CACNA1S: variants seen among roughly 807,000 people sequenced by gnomAD.
The protein encoded by CACNA1S is calcium voltage-gated channel subunit alpha1 S, also known as voltage-dependent L-type calcium channel subunit alpha-1S.
Under a neutral mutation model 207.4 loss-of-function variants are expected in CACNA1S, and 126 were observed. That is an observed-to-expected ratio of 0.61 (90% confidence interval 0.53 to 0.70). The LOEUF (loss-of-function observed/expected upper bound fraction) is 0.70. Ranked by LOEUF, CACNA1S falls within the 30% of genes least tolerant of loss-of-function variation. CACNA1S has a pLI of 0.00. For synonymous variants in CACNA1S, 960 were observed against 932.7 expected, an observed-to-expected ratio of 1.03 and a Z score of -0.53; for missense variants, 2,349 against 2,422.8, an observed-to-expected ratio of 0.97 and a Z score of 0.64.
intron 2 of CACNA1S, among the ~76,000 whole-genome samples, chr1:201,107,826 G>A (rs1456785460): frequency 3.9e-5 from 6 of 152,130 alleles, no homozygotes; most frequent in Admixed American, 3.9e-4. Flanking sequence ...ACTTTCTCTG[G>A]GCTTCACAAT....
intron 43 of CACNA1S, 57 bp from the exon 44 acceptor site, chr1:201,040,139 C>A (rs1660083311): frequency 8.7e-6 from 14 of 1,612,050 alleles, no homozygotes; most frequent in Middle Eastern, 3.6e-4. Context: ...ATTTGGGGAC[C>A]TGCCTCTGTT....
chr1:201,105,263 TGTGACTATA>T, intron 2 of CACNA1S, among the ~76,000 whole-genome samples: 1 of 152,346 alleles, frequency 6.6e-6, no homozygotes, highest in East Asian at 1.9e-4. Flanking sequence ...TGGGGGTCTC[TGTGACTATA>T]GGCTTTTTGG....
intron 19 of CACNA1S, among the ~76,000 whole-genome samples, chr1:201,067,257 T>A (rs1469248584): frequency 6.6e-6 from 1 of 152,238 alleles, no homozygotes; most frequent in Admixed American, 6.5e-5. Context: ...CTGGGTCTCC[T>A]TTCCCATGGG....
chr1:201,084,019 T>A (rs1417446350), intron 9 of CACNA1S, among the ~76,000 whole-genome samples: 1 of 152,178 alleles, frequency 6.6e-6, no homozygotes, highest in Non-Finnish European at 1.5e-5. Context: ...AACTACATTA[T>A]GGCATATTCA....
intron 16 of CACNA1S, 64 bp downstream of exon 16, chr1:201,072,691 C>T: frequency 2.4e-6 from 3 of 1,249,164 alleles, no homozygotes; most frequent in Middle Eastern, 1.9e-4. Flanking sequence ...GGGGAGAATT[C>T]AGGACCGGCA....
intron 7 of CACNA1S, among the ~76,000 whole-genome samples, chr1:201,087,481 CA>C (rs1662072256): frequency 6.6e-6 from 1 of 152,044 alleles, no homozygotes; most frequent in East Asian, 1.9e-4. Flanking sequence ...TGAGGAGTGT[CA>C]AAACAGAGGG....
chr1:201,082,028 C>CTT (rs1158693723), intron 10 of CACNA1S, among the ~76,000 whole-genome samples: 2 of 100,870 alleles, frequency 2.0e-5, no homozygotes, highest in Non-Finnish European at 2.1e-5. Context: ...GTCTCAGGTG[C>CTT]ATTTTTTTTT....
intron 40 of CACNA1S, chr1:201,041,972 G>A (rs2102543192): frequency 2.8e-6 from 1 of 353,822 alleles, no homozygotes; most frequent in South Asian, 2.5e-5. Flanking sequence ...CATCTGTGGT[G>A]AGGCCCAGGC....
In CACNA1S at chr1:201,061,266, C is replaced by T; in HGVS notation, c.3255+1G>A. The T allele has an allele frequency of 6.2e-7, 1 of 1,614,066 alleles. No individual in the cohort carries two copies. Among genetic ancestry groups the T allele is most frequent in the Non-Finnish European group, 8.5e-7 (1 of 1,179,930 alleles). ...CCACCTCTGGCAGGCAGCCCAGGCA[C>T]CTGGTTCTTGTCCAGCTCACAGTTC... On this transcript the variant is annotated splice_donor_variant, in intron 25 of 43. Coordinates refer to ENST00000362061, the MANE Select transcript of CACNA1S (RefSeq NM_000069.3). LOFTEE classifies it high-confidence loss of function.
In CACNA1S at chr1:201,072,726, T is replaced by C. The variant is rs774690926; in HGVS notation, c.2227+29A>G. 6 of 1,586,930 alleles carry C rather than the reference T, an allele frequency of 3.8e-6. No homozygotes were observed. The African/African-American group carries it at 6.7e-5, about 18-fold the overall frequency. ...ACACCCCTACTTCACCCCAGCACCCTGCTCCAGTCCAGTCTCCAGCATCCT... is the reference window on the plus strand; with the variant it reads ...ACACCCCTACTTCACCCCAGCACCCCGCTCCAGTCCAGTCTCCAGCATCCT... On this transcript the variant is annotated intron_variant, in intron 16 of 43. Coordinates refer to ENST00000362061, the MANE Select transcript of CACNA1S (RefSeq NM_000069.3).
In CACNA1S at chr1:201,078,093, G is replaced by A. The variant is rs751576994; in HGVS notation, c.1405C>T (p.Arg469Trp). Residue 469 changes from arginine to tryptophan, a missense_variant, in exon 11 of 44, where the codon CGG becomes TGG. Transcript: ENST00000362061. ...GTGGTGAAGAGGGACAGCAGCACCCGGTTGGCAATGTCTGTAGGGTTGGTG... is the reference window on the plus strand; with the variant it reads ...GTGGTGAAGAGGGACAGCAGCACCCAGTTGGCAATGTCTGTAGGGTTGGTG... ...WLTRLQDIAN[R>W]VLLSLFTTEM... 1.2e-5 allele frequency: 20 copies of A among 1,613,722 alleles called. No homozygotes were observed. In the East Asian group the frequency reaches 1.3e-4, roughly 11 times the overall value.
At chr1:201,059,402 C>G in intron 26 of CACNA1S, 103 bp from the exon 27 acceptor site, 1 of 692,854 alleles carries the variant, frequency 1.4e-6, no homozygotes. Context: ...GCCCCCAACC[C>G]TTTCTTGGGC....
chr1:201,060,024 A>G (rs1244029903), intron 26 of CACNA1S, among the ~76,000 whole-genome samples: 1 of 152,170 alleles, frequency 6.6e-6, no homozygotes, highest in Non-Finnish European at 1.5e-5. Flanking sequence ...AGCCCCAAAC[A>G]CAAGCCAGTG....
chr1:201,101,824 A>G (rs1280908997), intron 2 of CACNA1S, among the ~76,000 whole-genome samples: 1 of 152,190 alleles, frequency 6.6e-6, no homozygotes, highest in Non-Finnish European at 1.5e-5. Context: ...TTGGTCCTCA[A>G]TTCAAGTGTC....
In CACNA1S at chr1:201,107,982, C is replaced by G. The variant is rs113323488; in HGVS notation, c.258+2182G>C. ...TAATACTGTCTCTATGAACTCTAGG[C>G]CTAACCCAAGGTTTTGCAACTCCAG... is the stretch of plus-strand genomic sequence containing the variant. On this transcript the variant is annotated intron_variant, in intron 2 of 43. Coordinates refer to ENST00000362061, the MANE Select transcript of CACNA1S (RefSeq NM_000069.3). Among the ~76,000 whole-genome samples, 789 of 152,230 alleles carry G rather than the reference C, an allele frequency of 5.2e-3. 3 individuals are homozygous for G. The highest frequency in any genetic ancestry group is 0.018 in the African/African-American group (760 of 41,538).
At chr1:201,042,355 C>A (rs2102544531) in intron 40 of CACNA1S, among the ~76,000 whole-genome samples, 1 of 152,328 alleles carries the variant, frequency 6.6e-6, no homozygotes, top group African/African-American at 2.4e-5. Flanking sequence ...CCAGGCAGGT[C>A]TCGAACTCCT....
At chr1:201,052,227 G>A (rs1481907601) in intron 32 of CACNA1S, among the ~76,000 whole-genome samples, 1 of 152,258 alleles carries the variant, frequency 6.6e-6, no homozygotes, top group Non-Finnish European at 1.5e-5. Flanking sequence ...CATGCTCTGG[G>A]AGCGACGAGG....
At chr1:201,054,885 T>G (rs1488031678) in intron 28 of CACNA1S, among the ~76,000 whole-genome samples, 1 of 152,156 alleles carries the variant, frequency 6.6e-6, no homozygotes, top group Non-Finnish European at 1.5e-5. Flanking sequence ...CTTATGTGTT[T>G]GGGTTATGTG....
At chr1:201,082,292 G>T (rs56236174) in intron 10 of CACNA1S, among the ~76,000 whole-genome samples, 1 of 152,030 alleles carries the variant, frequency 6.6e-6, no homozygotes, top group Non-Finnish European at 1.5e-5. Context: ...CTCCCAAACT[G>T]CTGGGATTAC....
Sources: allele counts gnomAD v4.1 joint callset (sites outside exome capture counted in the v4.1 genomes callset), GRCh38; gene constraint gnomAD v4.1.1; transcripts MANE v1.5; gene names NCBI Gene and HGNC (gene_info 2026-07-23, HGNC 2026-07-21).